The following ARMC12 variants were observed in gnomAD, a reference collection of about 807,000 sequenced individuals.
ARMC12 encodes armadillo repeat-containing protein 12.
A neutral mutation model predicts 37.4 loss-of-function variants in ARMC12; 25 were observed. The ratio of observed to expected loss-of-function variants is 0.67; its 90% confidence interval spans 0.49 to 0.93. ARMC12 has a LOEUF of 0.93. Ranked by LOEUF, ARMC12 falls within the 40% of genes least tolerant of loss-of-function variation. The pLI is 0.00. For missense variants in ARMC12, 384 were observed against 426.6 expected (o/e 0.90, Z 0.88); for synonymous variants, 167 against 176.1 (o/e 0.95, Z 0.41).
chr6:35,737,200 T>C lies in ARMC12; in HGVS notation c.92T>C (p.Leu31Pro). The stretch of plus-strand genomic sequence containing the variant: ...ACAGGCGCCGGGGCGATCTACCTGC[T>C]CTACAAGGCCATCAAGGCTGGCATA... ...LATGAGAIYL[L>P]YKAIKAGIKC... is the part of the protein sequence containing the mutation. The change falls in exon 1 of 6, where the codon CTC (leucine) becomes CCC (proline). Residue 31 changes from leucine to proline, a missense_variant. Leu to Pro is a moderately conservative substitution (Grantham distance 98, BLOSUM62 -3). Transcript: ENST00000373866. 6.2e-6 allele frequency: 10 copies of C among 1,614,246 alleles called. No homozygotes were observed. The highest frequency in any genetic ancestry group is 1.1e-5 in the South Asian group (1 of 91,086).
intron 3 of ARMC12, among the ~76,000 whole-genome samples, chr6:35,742,512 A>AAAAG (rs1767205023): frequency 6.6e-6 from 1 of 151,052 alleles, no homozygotes; most frequent in Non-Finnish European, 1.5e-5. Context: ...AAAAAAAAAA[A>AAAAG]AAAAAAAAGC....
At chr6:35,733,797 GC>G (rs1766890799), upstream of ARMC12, 1 of 152,304 alleles carries the variant, frequency 6.6e-6, no homozygotes, top group African/African-American at 2.4e-5. Flanking sequence ...ACCGCGCCCA[GC>G]CCTGAACTGG....
rs373705338 is a variant in ARMC12 at position 35,738,558 on chromosome 6, A to G, written c.444+40A>G. 5.5e-5 allele frequency: 89 copies of G among 1,610,944 alleles called. No individual in the cohort carries two copies. The East Asian group carries it at 9.8e-4, about 18-fold the overall frequency. On this transcript the variant is annotated intron_variant, in intron 3 of 5. Coordinates refer to ENST00000373866, the MANE Select transcript of ARMC12 (RefSeq NM_001286574.2). The stretch of plus-strand genomic sequence containing the variant: ...GCGTGGTGGGGCATGCAGGATGTCT[A>G]TAGTCCTTAAGTCCTTTAATTGCCA...
intron 1 of ARMC12, 119 bp downstream of exon 1, chr6:35,737,390 T>C: frequency 6.2e-7 from 1 of 1,610,752 alleles, no homozygotes; most frequent in South Asian, 1.1e-5. Context: ...TGTCTTTCTC[T>C]TGTCCATCTT....
chr6:35,748,785 TTGTCAGCCTGCAG>T lies in ARMC12; in HGVS notation c.940_952del (p.Val314IlefsTer5). 6.2e-7 allele frequency: 1 copy of T among 1,614,244 alleles called. No individual in the cohort carries two copies. The highest frequency in any genetic ancestry group is 1.7e-5 in the Admixed American group (1 of 60,030). The stretch of plus-strand genomic sequence containing the variant: ...GTTCAGATCCAGGCCTGCAAGGTCA[TTGTCAGCCTGCAG>T]TATCCCCAGGACTTGAGAGCCCGGC... On this transcript the variant is annotated frameshift_variant, in exon 6 of 6. Coordinates refer to ENST00000373866, the MANE Select transcript of ARMC12 (RefSeq NM_001286574.2). LOFTEE classifies it high-confidence loss of function.
At chr6:35,747,689 G>A (rs777687840) in intron 5 of ARMC12, 42 bp downstream of exon 5, 3 of 1,583,666 alleles carry the variant, frequency 1.9e-6, no homozygotes, top group Non-Finnish European at 1.7e-6. Flanking sequence ...TGCCAACTCA[G>A]GTATAGGGGG....
At chr6:35,740,896 G>A (rs1413282633) in intron 3 of ARMC12, among the ~76,000 whole-genome samples, 1 of 123,520 alleles carries the variant, frequency 8.1e-6, no homozygotes, top group Non-Finnish European at 1.6e-5. Context: ...GCTTCCTTCT[G>A]GTTTTTTTTT....
At chr6:35,747,099 G>C (rs1017599031) in intron 3 of ARMC12, among the ~76,000 whole-genome samples, 162 bp from the exon 4 acceptor site, 11 of 132,014 alleles carry the variant, frequency 8.3e-5, no homozygotes, top group Non-Finnish European at 1.4e-4. Context: ...TTTCAAGGCA[G>C]TGGGAGTGGG....
At chr6:35,748,446 T>C in intron 5 of ARMC12, 92 bp from the exon 6 acceptor site, 1 of 1,086,690 alleles carries the variant, frequency 9.2e-7, no homozygotes, top group Non-Finnish European at 1.2e-6. Context: ...TTTAGGTATA[T>C]TTGGGAGTTT....
chr6:35,733,096 T>G (rs1766872737), upstream of ARMC12, among the ~76,000 whole-genome samples: 1 of 152,114 alleles, frequency 6.6e-6, no homozygotes, highest in Non-Finnish European at 1.5e-5. Context: ...TGCTTGAACC[T>G]GGGAGGCGGA....
Position 35,738,123 on chromosome 6 carries a change from G to A in ARMC12, c.260G>A (p.Ser87Asn), listed in dbSNP as rs1056152201. 4.3e-6 allele frequency: 7 copies of A among 1,613,906 alleles called. No homozygotes were observed. The highest frequency in any genetic ancestry group is 5.1e-6 in the Non-Finnish European group (6 of 1,180,034). The change falls in exon 2 of 6, where the codon AGC (serine) becomes AAC (asparagine). Residue 87 changes from serine to asparagine, a missense_variant. Ser to Asn is a conservative substitution (Grantham distance 46, BLOSUM62 1). Coordinates refer to ENST00000373866, the MANE Select transcript of ARMC12 (RefSeq NM_001286574.2). ...TGCAAACAGGATGAGTATGCCAAGAGCATGATCCTGCACAGTATCACTCGC... is the reference window on the plus strand; with the variant it reads ...TGCAAACAGGATGAGTATGCCAAGAACATGATCCTGCACAGTATCACTCGC... ...LECKQDEYAK[S>N]MILHSITRCV...
intron 3 of ARMC12, among the ~76,000 whole-genome samples, chr6:35,743,379 G>A (rs1276580979): frequency 2.0e-5 from 3 of 152,024 alleles, no homozygotes; most frequent in Non-Finnish European, 4.4e-5. Context: ...ACCACGTTCC[G>A]CTGATTTTTT....
In ARMC12 at chr6:35,739,248, G is replaced by T. The variant is rs200397531; in HGVS notation, c.444+730G>T. Reference sequence around the variant, plus strand: ...TTCTGTAACCGGTTACAGGGAGAAGGCCAGGAAATTATCGCTGGACCAACT... The same window carrying T: ...TTCTGTAACCGGTTACAGGGAGAAGTCCAGGAAATTATCGCTGGACCAACT... On this transcript the variant is annotated intron_variant, in intron 3 of 5. Coordinates refer to ENST00000373866, the MANE Select transcript of ARMC12 (RefSeq NM_001286574.2). Among the ~76,000 whole-genome samples the T allele has an allele frequency of 4.6e-5, 7 of 152,294 alleles. No homozygotes were observed. In the East Asian group the frequency reaches 1.4e-3, roughly 29 times the overall value.
intron 3 of ARMC12, among the ~76,000 whole-genome samples, chr6:35,738,753 C>T (rs1220387917): frequency 3.3e-5 from 5 of 152,068 alleles, no homozygotes; most frequent in Admixed American, 6.5e-5. Context: ...GAGAAGGACC[C>T]CCACTACCCC....
upstream of ARMC12, among the ~76,000 whole-genome samples, chr6:35,735,553 G>A (rs968995857): frequency 1.3e-5 from 2 of 152,138 alleles, no homozygotes; most frequent in African/African-American, 2.4e-5. The surrounding 1 kb of genome is among the most constrained non-coding windows in gnomAD (Gnocchi z 4.0). Flanking sequence ...CATCCTGGGT[G>A]CAGCCCAGGA....
chr6:35,740,729 C>A (rs1767137622), intron 3 of ARMC12, among the ~76,000 whole-genome samples: 1 of 151,972 alleles, frequency 6.6e-6, no homozygotes, highest in South Asian at 2.1e-4. Context: ...ATGTATGTAT[C>A]CTTGCATATT....
upstream of ARMC12, among the ~76,000 whole-genome samples, chr6:35,733,243 C>G (rs1487400190): frequency 6.6e-6 from 1 of 152,152 alleles, no homozygotes; most frequent in Non-Finnish European, 1.5e-5. Flanking sequence ...GAAGGAAGGG[C>G]TGACTCATGT....
chr6:35,745,410 C>T (rs1009509928), intron 3 of ARMC12, among the ~76,000 whole-genome samples: 1 of 152,138 alleles, frequency 6.6e-6, no homozygotes, highest in Non-Finnish European at 1.5e-5. Context: ...ATATAACATC[C>T]TCAAACTTAA....
chr6:35,734,499 A>G (rs569601562), upstream of ARMC12, among the ~76,000 whole-genome samples: 13 of 152,340 alleles, frequency 8.5e-5, no homozygotes, highest in South Asian at 2.7e-3. Context: ...TAGGAGTGAC[A>G]TCATCTGAAT....
Sources: allele counts gnomAD v4.1 joint callset (sites outside exome capture counted in the v4.1 genomes callset), GRCh38; gene constraint gnomAD v4.1.1; non-coding constraint Gnocchi (gnomAD v3.1); transcripts MANE v1.5; gene names NCBI Gene and HGNC (gene_info 2026-07-23, HGNC 2026-07-21).